Variants in DYNC1LI2 observed in about 807,000 individuals in gnomAD.
DYNC1LI2 encodes dynein cytoplasmic 1 light intermediate chain 2, also known as cytoplasmic dynein 1 light intermediate chain 2.
Under a neutral mutation model 57.8 loss-of-function variants are expected in DYNC1LI2, and 19 were observed. The ratio of observed to expected loss-of-function variants is 0.33; its 90% CI spans 0.23 to 0.48. The LOEUF (loss-of-function observed/expected upper bound fraction) is 0.48. DYNC1LI2 is among the 20% of genes least tolerant of loss of function. The pLI, the probability that DYNC1LI2 is intolerant of heterozygous loss-of-function variation, is 0.99. For missense variants in DYNC1LI2, 470 were observed against 604.2 expected (o/e 0.78, Z 2.33); for synonymous variants, 256 against 233.4 (o/e 1.10, Z -0.88).
At chr16:66,728,043 GTTTCT>G (rs1428681362) in intron 10 of DYNC1LI2, 153 bp downstream of exon 10, 5 of 1,070,186 alleles carry the variant, frequency 4.7e-6, no homozygotes, top group East Asian at 5.2e-5. Flanking sequence ...AACTTCTTGA[GTTTCT>G]TTTATGTTTC....
chr16:66,747,839 A>G (rs2017965613), intron 3 of DYNC1LI2, among the ~76,000 whole-genome samples: 1 of 152,052 alleles, frequency 6.6e-6, no homozygotes, highest in Admixed American at 6.6e-5. Context: ...CCAAAGTGCT[A>G]GAATTACAGA....
intron 3 of DYNC1LI2, among the ~76,000 whole-genome samples, chr16:66,744,740 A>G (rs2017904295): frequency 6.6e-6 from 1 of 151,916 alleles, no homozygotes; most frequent in African/African-American, 2.4e-5. Flanking sequence ...TTGTATTTTT[A>G]GTACAGATGG....
intron 3 of DYNC1LI2, among the ~76,000 whole-genome samples, chr16:66,743,354 G>C (rs1596996740): frequency 6.6e-6 from 1 of 151,954 alleles, no homozygotes; most frequent in Admixed American, 6.6e-5. Flanking sequence ...ACGAGGTCGG[G>C]AGTTCAAGAC....
At position 66,723,610 on chromosome 16, in the gene DYNC1LI2, C is replaced by G; in HGVS notation, c.*112G>C. 1 of 754,090 alleles carries G rather than the reference C, an allele frequency of 1.3e-6. No homozygotes were observed. Among genetic ancestry groups the G allele is most frequent in the Non-Finnish European group, 2.1e-6 (1 of 483,242 alleles). The allele number at this position is 754,090 out of a possible 1,614,324, so 46.7% of individuals were successfully genotyped here. ...TTTTTTTTTTTTTTTTAAAGTTCATCTCCCCTGCCCCAAAAAACTGATAGC... is the reference window on the plus strand; with the variant it reads ...TTTTTTTTTTTTTTTTAAAGTTCATGTCCCCTGCCCCAAAAAACTGATAGC... On this transcript the variant is annotated 3_prime_UTR_variant, in exon 13 of 13. Transcript: ENST00000258198.
chr16:66,750,248 T>C (rs140040216), intron 2 of DYNC1LI2, among the ~76,000 whole-genome samples: 105 of 152,328 alleles, frequency 6.9e-4, no homozygotes, highest in African/African-American at 2.3e-3. Flanking sequence ...CGGTATTACC[T>C]ACCACAGTCA....
At chr16:66,723,880 T>C (rs1316299355) in intron 12 of DYNC1LI2, 58 bp from the exon 13 acceptor site, 4 of 1,450,450 alleles carry the variant, frequency 2.8e-6, no homozygotes, top group Non-Finnish European at 3.7e-6. Context: ...GAAACAATTT[T>C]TTTTAAAGGA....
chr16:66,730,115 T>C lies in DYNC1LI2; in HGVS notation c.1038A>G (p.Arg346=). The change falls in exon 8 of 13, where the codon AGA becomes AGG. Residue 346 remains arginine, a synonymous_variant. Coordinates refer to ENST00000258198, the MANE Select transcript of DYNC1LI2 (RefSeq NM_006141.3). ...TAAAGCAATTGTCTTTGACTACCTT[T>C]CTCACGGGAGGTTTCACAATAAAGT... is the stretch of plus-strand genomic sequence containing the variant. The part of the protein sequence containing the change: ...YEDFIVKPPV[R]KLVHDKELAA... 6.2e-7 allele frequency: 1 copy of C among 1,613,456 alleles called. No individual in the cohort carries two copies. Among genetic ancestry groups the C allele is most frequent in the Non-Finnish European group, 8.5e-7 (1 of 1,179,766 alleles).
intron 7 of DYNC1LI2, 65 bp downstream of exon 7, chr16:66,732,274 A>G: frequency 6.3e-7 from 1 of 1,576,430 alleles, no homozygotes; most frequent in African/African-American, 1.4e-5. Context: ...TTGAAGGGGT[A>G]AAATGTAAAA....
At chr16:66,730,710 G>C (rs1371847782) in intron 7 of DYNC1LI2, 1 of 153,358 alleles carries the variant, frequency 6.5e-6, no homozygotes, top group East Asian at 1.9e-4. Flanking sequence ...TGCTGGCATG[G>C]GAAGATGTGT....
chr16:66,748,478 C>G (rs989007895), intron 3 of DYNC1LI2, among the ~76,000 whole-genome samples: 1 of 152,108 alleles, frequency 6.6e-6, no homozygotes, highest in Non-Finnish European at 1.5e-5. Flanking sequence ...TATTACTACT[C>G]ACGTTTTAAA....
chr16:66,737,600 C>T (rs2017758538), intron 4 of DYNC1LI2, among the ~76,000 whole-genome samples: 1 of 152,158 alleles, frequency 6.6e-6, no homozygotes, highest in African/African-American at 2.4e-5. Flanking sequence ...TGGTCTTGCC[C>T]AGCACCAGAT....
rs1385526448 is a variant in DYNC1LI2 at position 66,720,985 on chromosome 16, T to C, written c.*2737A>G. The C allele has an allele frequency of 6.6e-6, 1 of 152,656 alleles. No homozygotes were observed. The highest frequency in any genetic ancestry group is 1.5e-5 in the Non-Finnish European group (1 of 68,046). 9.5% of individuals were successfully genotyped at this position (152,656 alleles called of 1,614,324 possible). On this transcript the variant is annotated 3_prime_UTR_variant, in exon 13 of 13. Coordinates refer to ENST00000258198, the MANE Select transcript of DYNC1LI2 (RefSeq NM_006141.3). ...GAAAGCAAGGTTCCACATGACTGCATACTGCACCCGGACAGAGCCACACCC... is the reference window on the plus strand; with the variant it reads ...GAAAGCAAGGTTCCACATGACTGCACACTGCACCCGGACAGAGCCACACCC...
chr16:66,750,204 T>C (rs1054732721), intron 2 of DYNC1LI2, among the ~76,000 whole-genome samples: 2 of 152,230 alleles, frequency 1.3e-5, no homozygotes, highest in African/African-American at 2.4e-5. Flanking sequence ...TCTGGTGATC[T>C]TGATCCCCCA....
chr16:66,736,290 T>C, intron 4 of DYNC1LI2, 46 bp from the exon 5 acceptor site: 1 of 1,599,032 alleles, frequency 6.3e-7, no homozygotes, highest in East Asian at 2.2e-5. Context: ...TAAATAAAAA[T>C]ACATGTTAGC....
intron 12 of DYNC1LI2, among the ~76,000 whole-genome samples, chr16:66,724,293 TCA>T (rs1338148977): frequency 3.9e-5 from 6 of 152,156 alleles, no homozygotes; most frequent in Admixed American, 3.3e-4. Context: ...ATAAGATAGT[TCA>T]GTCCTGCACA....
In DYNC1LI2 at chr16:66,728,214, G is replaced by A. The variant is rs2017570082; in HGVS notation, c.1130C>T (p.Pro377Leu). ...QSLLAKQPAT[P>L]TRASESPARG... ...TAAGGTACTCACAGAAGCTCTCGTG[G>A]GAGTGGCTGGTTGCTTGGCAAGGAG... is the stretch of plus-strand genomic sequence containing the variant. Residue 377 changes from proline to leucine, a missense_variant, in exon 10 of 13, where the codon CCC becomes CTC. Pro to Leu is a moderately conservative substitution (Grantham distance 98). Transcript: ENST00000258198. The A allele has an allele frequency of 6.2e-7, 1 of 1,614,098 alleles. No homozygotes were observed. The highest frequency in any genetic ancestry group is 2.2e-5 in the East Asian group (1 of 44,872).
rs370819804 is a variant in DYNC1LI2 at position 66,729,027 on chromosome 16, C to G, written c.1101+13G>C. ...TGAGAAGGCCTCTGTTCTAACCTCA[C>G]TGGTCTTCTTACCTGTTGCTTCATT... is the stretch of plus-strand genomic sequence containing the variant. On this transcript the variant is annotated intron_variant, in intron 9 of 12. Coordinates refer to ENST00000258198, the MANE Select transcript of DYNC1LI2 (RefSeq NM_006141.3). The G allele has an allele frequency of 6.2e-7, 1 of 1,614,018 alleles. No homozygotes were observed. Among genetic ancestry groups the G allele is most frequent in the African/African-American group, 1.3e-5 (1 of 74,952 alleles).
At chr16:66,739,666 A>G (rs1032906851) in intron 4 of DYNC1LI2, among the ~76,000 whole-genome samples, 3 of 152,178 alleles carry the variant, frequency 2.0e-5, no homozygotes, top group Non-Finnish European at 2.9e-5. Flanking sequence ...GTCTCAACCA[A>G]TTGGCCCACT....
intron 11 of DYNC1LI2, 150 bp downstream of exon 11, chr16:66,727,538 G>GAAGGGAAAT: frequency 1.5e-6 from 1 of 689,360 alleles, no homozygotes; most frequent in South Asian, 2.0e-5. Context: ...CCTCTGGAAT[G>GAAGGGAAAT]GGGGAAATGG....
Sources: allele counts gnomAD v4.1 joint callset (sites outside exome capture counted in the v4.1 genomes callset), GRCh38; gene constraint gnomAD v4.1.1; transcripts MANE v1.5; gene names NCBI Gene and HGNC (gene_info 2026-07-23, HGNC 2026-07-21).